Variants in CD247 observed in about 807,000 individuals in gnomAD.
The protein encoded by CD247 is T-cell surface glycoprotein CD3 zeta chain.
A neutral mutation model predicts 30.0 loss-of-function variants in CD247; 13 were observed. That is an observed-to-expected ratio of 0.43 (90% CI 0.28 to 0.69). The LOEUF (loss-of-function observed/expected upper bound fraction) is 0.69. CD247 is among the 30% of genes least tolerant of loss of function. The pLI, the probability that CD247 is intolerant of heterozygous loss-of-function variation, is 0.16. For missense variants in CD247, 193 were observed against 212.6 expected, an observed-to-expected ratio of 0.91 and a Z score of 0.57; for synonymous variants, 72 against 80.0, an observed-to-expected ratio of 0.90 and a Z score of 0.53.
chr1:167,465,331 T>C (rs1036361526), intron 1 of CD247, among the ~76,000 whole-genome samples: 2 of 144,558 alleles, frequency 1.4e-5, no homozygotes, highest in Non-Finnish European at 3.0e-5. Context: ...CTTTTTCTTT[T>C]TTTTTTTTTT....
At chr1:167,446,846 T>C (rs778450417) in intron 1 of CD247, among the ~76,000 whole-genome samples, 2 of 152,024 alleles carry the variant, frequency 1.3e-5, no homozygotes, top group Non-Finnish European at 2.9e-5. Flanking sequence ...TACAAAAAAA[T>C]TAGCCGGGCG....
In CD247 at chr1:167,439,369, T is replaced by C; in HGVS notation, c.194A>G (p.Gln65Arg). ...GTTATAGAGCTGGTTCTGGCCCTGC[T>C]GGTACGCGGGGGCGTCTGCGCTCCT... ...FSRSADAPAY[Q>R]QGQNQLYNEL... Residue 65 changes from glutamine (Q) to arginine (R), a missense_variant, in exon 3 of 8, where the codon CAG becomes CGG. Transcript: ENST00000362089. 6.2e-7 allele frequency: 1 copy of C among 1,614,166 alleles called. No individual in the cohort carries two copies. The highest frequency in any genetic ancestry group is 8.5e-7 in the Non-Finnish European group (1 of 1,179,974).
intron 4 of CD247, among the ~76,000 whole-genome samples, chr1:167,436,245 AT>A (rs1239125484): frequency 1.3e-5 from 2 of 152,254 alleles, no homozygotes; most frequent in Non-Finnish European, 2.9e-5. Context: ...CAGGAAAAGC[AT>A]TTGACAAAAT....
In CD247 at chr1:167,470,276, C is replaced by T. The variant is rs535884474; in HGVS notation, c.59-29509G>A. ...GACCCCACCATTTAGATCTACAGCC[C>T]CAGTTCTCTCCTGAAATCCAGACTC... On this transcript the variant is annotated intron_variant, in intron 1 of 7. Coordinates refer to ENST00000362089, the MANE Select transcript of CD247 (RefSeq NM_198053.3). Among the ~76,000 whole-genome samples, 4 of 152,128 alleles carry T rather than the reference C, an allele frequency of 2.6e-5. No homozygotes were observed. The South Asian group carries it at 8.3e-4, about 32-fold the overall frequency.
At chr1:167,507,661 A>C (rs1212667159) in intron 1 of CD247, among the ~76,000 whole-genome samples, 1 of 151,984 alleles carries the variant, frequency 6.6e-6, no homozygotes, top group African/African-American at 2.4e-5. Flanking sequence ...CGTAGTGAGA[A>C]CCTGTATCTA....
In CD247 at chr1:167,435,504, C is replaced by T. The variant is rs1651504757; in HGVS notation, c.301-70G>A. ...CCCAAGCCATGAAAGTACAGCAAAC[C>T]CCATCCTGCCCCCTGACTGCAGTTT... On this transcript the variant is annotated intron_variant, in intron 4 of 7. Transcript: ENST00000362089. 3.3e-6 allele frequency: 4 copies of T among 1,229,712 alleles called. No homozygotes were observed. In the East Asian group the frequency reaches 9.3e-5, roughly 29 times the overall value. The allele number at this position is 1,229,712 out of a possible 1,614,324, so 76.2% of individuals were successfully genotyped here. A position where few individuals can be genotyped will look rare whatever the true frequency, so the allele number is the denominator to read the frequency against.
intron 1 of CD247, among the ~76,000 whole-genome samples, chr1:167,453,027 G>GATATTATAT (rs1652436110): frequency 2.2e-5 from 1 of 45,536 alleles, no homozygotes; most frequent in South Asian, 1.1e-3. Context: ...ATATATTATA[G>GATATTATAT]ATATATATTA....
At chr1:167,447,557 G>A (rs1341417815) in intron 1 of CD247, among the ~76,000 whole-genome samples, 4 of 152,036 alleles carry the variant, frequency 2.6e-5, no homozygotes, top group Admixed American at 6.5e-5. Context: ...CCTCACCCCC[G>A]TCCAGCTTGT....
intron 1 of CD247, among the ~76,000 whole-genome samples, chr1:167,517,850 C>T (rs1214952778): frequency 6.6e-6 from 1 of 152,186 alleles, no homozygotes; most frequent in Non-Finnish European, 1.5e-5. Flanking sequence ...CCCGGTGCTT[C>T]CTGCCTGTGC....
chr1:167,446,224 C>T (rs1448082047), intron 1 of CD247, among the ~76,000 whole-genome samples: 3 of 152,196 alleles, frequency 2.0e-5, no homozygotes, highest in Non-Finnish European at 2.9e-5. Flanking sequence ...TTAGTCACAA[C>T]GGCTTGTAAA....
At chr1:167,461,038 G>A (rs1652985370) in intron 1 of CD247, among the ~76,000 whole-genome samples, 1 of 152,354 alleles carries the variant, frequency 6.6e-6, no homozygotes, top group African/African-American at 2.4e-5. Flanking sequence ...TACTTTGCGT[G>A]GATCAAAGGC....
At chr1:167,460,584 G>A (rs944753003) in intron 1 of CD247, among the ~76,000 whole-genome samples, 2 of 152,074 alleles carry the variant, frequency 1.3e-5, no homozygotes, top group Non-Finnish European at 2.9e-5. Flanking sequence ...CGGCCTCGGC[G>A]AGTTATTTCT....
At chr1:167,472,365 G>A (rs1209916121) in intron 1 of CD247, among the ~76,000 whole-genome samples, 1 of 151,968 alleles carries the variant, frequency 6.6e-6, no homozygotes, top group Non-Finnish European at 1.5e-5. Context: ...CTGATAAAAC[G>A]CTCACAATAA....
At chr1:167,502,316 G>A (rs1232660093) in intron 1 of CD247, among the ~76,000 whole-genome samples, 1 of 152,208 alleles carries the variant, frequency 6.6e-6, no homozygotes, top group East Asian at 1.9e-4. Flanking sequence ...AACTCCCCCA[G>A]ATAGTCTTGG....
intron 1 of CD247, among the ~76,000 whole-genome samples, chr1:167,474,914 G>A (rs1249664053): frequency 6.6e-6 from 1 of 151,670 alleles, no homozygotes; most frequent in South Asian, 2.1e-4. Context: ...CACCATGCCC[G>A]GGTAATTTTT....
chr1:167,508,512 C>A (rs572730687), intron 1 of CD247, among the ~76,000 whole-genome samples: 3 of 152,182 alleles, frequency 2.0e-5, no homozygotes, highest in African/African-American at 2.4e-5. Context: ...CTTTGCCAAC[C>A]TTTTGTAGCT....
At chr1:167,499,767 G>C (rs1189128210) in intron 1 of CD247, among the ~76,000 whole-genome samples, 1 of 152,114 alleles carries the variant, frequency 6.6e-6, no homozygotes, top group Non-Finnish European at 1.5e-5. Flanking sequence ...GCTTAGATTT[G>C]AATCCAGAAG....
intron 1 of CD247, among the ~76,000 whole-genome samples, chr1:167,474,937 G>A (rs140498529): frequency 2.0e-5 from 3 of 151,526 alleles, no homozygotes; most frequent in South Asian, 4.2e-4. Flanking sequence ...ATTTATAGTA[G>A]AGACAGGTTT....
chr1:167,448,943 T>C (rs1297126631), intron 1 of CD247, among the ~76,000 whole-genome samples: 1 of 152,168 alleles, frequency 6.6e-6, no homozygotes, highest in Non-Finnish European at 1.5e-5. Flanking sequence ...CAAATATTCA[T>C]GTTTCATTGT....
Sources: gnomAD v4.1 joint callset for allele counts (sites outside exome capture counted in the v4.1 genomes callset) on GRCh38, gnomAD v4.1.1 for gene constraint, MANE v1.5 for transcripts, NCBI Gene and HGNC (gene_info 2026-07-23, HGNC 2026-07-21) for gene names.